The following VPS13B variants were observed in gnomAD, a reference collection of about 807,000 sequenced individuals.
The protein encoded by VPS13B is intermembrane lipid transfer protein VPS13B.
A neutral mutation model predicts 426.4 loss-of-function variants in VPS13B; 285 were observed. The observed-to-expected ratio is 0.67, with a 90% confidence interval of 0.61 to 0.74. The LOEUF is 0.74. Ranked by LOEUF, VPS13B falls within the 30% of genes least tolerant of loss-of-function variation. The pLI is 0.00. For missense variants in VPS13B, 4,537 were observed against 4,782.6 expected (o/e 0.95, Z 1.51); for synonymous variants, 1,676 against 1,676.4 (o/e 1.00, Z 0.01).
At chr8:99,520,528 G>A (rs1450408508) in intron 29 of VPS13B, among the ~76,000 whole-genome samples, 1 of 151,738 alleles carries the variant, frequency 6.6e-6, no homozygotes, top group Non-Finnish European at 1.5e-5. Flanking sequence ...CAACAATGAA[G>A]TATTAAGAAC....
Position 99,688,342 on chromosome 8 carries a change from G to A in VPS13B, c.6047-11183G>A, listed in dbSNP as rs531890685. 2.6e-5 allele frequency among the ~76,000 whole-genome samples: 4 copies of A among 151,976 alleles called. No individual in the cohort carries two copies. The East Asian group carries it at 5.8e-4, about 22-fold the overall frequency. The stretch of plus-strand genomic sequence containing the variant: ...TTAGGAGGCTTTATAATAACTGAAC[G>A]ATATCAAAAACATGGTGGAGGAAAA... On this transcript the variant is annotated intron_variant, in intron 35 of 61. Transcript: ENST00000357162.
At chr8:99,766,649 T>C in intron 39 of VPS13B, 125 bp from the exon 40 acceptor site, 2 of 808,074 alleles carry the variant, frequency 2.5e-6, no homozygotes, top group Admixed American at 5.7e-5. Flanking sequence ...TACTGTCTTT[T>C]ATAACCTTAT....
intron 2 of VPS13B, among the ~76,000 whole-genome samples, chr8:99,022,251 A>T (rs1415814407): frequency 2.6e-5 from 4 of 151,460 alleles, no homozygotes; most frequent in Admixed American, 6.6e-5. Context: ...ATATATATAT[A>T]TAATGCTATA....
chr8:99,800,474 C>T (rs575546391), intron 43 of VPS13B, among the ~76,000 whole-genome samples: 2 of 152,136 alleles, frequency 1.3e-5, no homozygotes, highest in East Asian at 3.9e-4. Context: ...TATCTGATTT[C>T]ATGATTGAAA....
At chr8:99,213,305 A>C (rs1028358966) in intron 17 of VPS13B, among the ~76,000 whole-genome samples, 1 of 152,134 alleles carries the variant, frequency 6.6e-6, no homozygotes, top group Admixed American at 6.5e-5. Context: ...TTTTATTGCA[A>C]ATATTCATTG....
chr8:99,796,801 G>T (rs968443264), intron 43 of VPS13B: 2 of 152,206 alleles, frequency 1.3e-5, no homozygotes, highest in African/African-American at 4.8e-5. Context: ...TGTTTGCCAG[G>T]TGTCTTGGTT....
Position 99,358,817 on chromosome 8 carries a change from A to G in VPS13B, c.2825-25391A>G, listed in dbSNP as rs192331470. Among the ~76,000 whole-genome samples, 953 of 152,312 alleles carry G rather than the reference A, an allele frequency of 6.3e-3. 8 individuals carry two copies. Among genetic ancestry groups the G allele is most frequent in the African/African-American group, 0.022 (895 of 41,558 alleles). ...TCTTGATAACCAGGGAAAGATAAGT[A>G]GGGAAGACCTCATTTTAACAATTAT... On this transcript the variant is annotated intron_variant, in intron 19 of 61. Transcript: ENST00000357162.
chr8:99,738,683 C>T (rs755077709), intron 39 of VPS13B, among the ~76,000 whole-genome samples: 5 of 152,110 alleles, frequency 3.3e-5, no homozygotes, highest in African/African-American at 4.8e-5. Flanking sequence ...GTCTATATAC[C>T]GTGTTGAAAA....
In VPS13B at chr8:99,275,351, G is replaced by C. The variant is rs7840337; in HGVS notation, c.2824+97G>C. On this transcript the variant is annotated intron_variant, in intron 19 of 61. Transcript: ENST00000357162. ...TTGGTATATATTTTTTTTTTTTTAG[G>C]TATTTTTGTCAATTGGCTTACTCTG... 1,024,059 of 1,234,066 alleles carry C rather than the reference G, an allele frequency of 0.83. 426,899 individuals carry two copies. Among genetic ancestry groups the C allele is most frequent in the South Asian group, 0.9 (57,271 of 63,914 alleles). The allele number at this position is 1,234,066 out of a possible 1,614,324, so 76.4% of individuals were successfully genotyped here.
At chr8:99,584,037 C>A (rs552648684) in intron 33 of VPS13B, among the ~76,000 whole-genome samples, 2 of 152,060 alleles carry the variant, frequency 1.3e-5, no homozygotes, top group African/African-American at 4.8e-5. Context: ...CCTGGATAGA[C>A]CACTTGTAAC....
intron 55 of VPS13B, among the ~76,000 whole-genome samples, chr8:99,850,843 T>A (rs554343608): frequency 1.1e-4 from 16 of 152,250 alleles, no homozygotes; most frequent in Admixed American, 1.0e-3. Context: ...AGAGAATCGC[T>A]TGAACCTGGG....
At chr8:99,414,306 G>A (rs1259150871) in intron 21 of VPS13B, among the ~76,000 whole-genome samples, 5 of 144,072 alleles carry the variant, frequency 3.5e-5, no homozygotes, top group African/African-American at 1.3e-4. Context: ...TTGAGCTTAT[G>A]TGTGTCTTTG....
At chr8:99,211,803 G>C (rs1260398640) in intron 17 of VPS13B, among the ~76,000 whole-genome samples, 2 of 152,012 alleles carry the variant, frequency 1.3e-5, no homozygotes, top group African/African-American at 4.8e-5. Flanking sequence ...AGATGTTGTT[G>C]GTTCAGTACT....
intron 57 of VPS13B, 59 bp from the exon 58 acceptor site, chr8:99,861,717 G>C (rs542823962): frequency 1.3e-6 from 2 of 1,555,350 alleles, no homozygotes; most frequent in Non-Finnish European, 1.7e-6. Flanking sequence ...TGAAACTACT[G>C]CCTTGGGGTC....
intron 23 of VPS13B, among the ~76,000 whole-genome samples, chr8:99,459,213 C>T (rs1455868940): frequency 6.6e-6 from 1 of 152,146 alleles, no homozygotes; most frequent in Non-Finnish European, 1.5e-5. Context: ...CTGCAGCATT[C>T]TATTAATATA....
chr8:99,728,085 T>C (rs535775874), intron 39 of VPS13B, among the ~76,000 whole-genome samples: 21 of 152,366 alleles, frequency 1.4e-4, no homozygotes, highest in Admixed American at 1.2e-3. Context: ...TTGGCAGTTA[T>C]ACATCTCATG....
intron 19 of VPS13B, among the ~76,000 whole-genome samples, chr8:99,352,227 C>A (rs760312436): frequency 4.6e-5 from 7 of 152,152 alleles, no homozygotes; most frequent in Non-Finnish European, 8.8e-5. Flanking sequence ...AATAGGCAGT[C>A]CTCCCCTTGA....
At chr8:99,507,729 T>C in intron 28 of VPS13B, 1 of 1,613,806 alleles carries the variant, frequency 6.2e-7, no homozygotes, top group South Asian at 1.1e-5. Flanking sequence ...TTTATTGCTT[T>C]TTGTCTTTTC....
chr8:99,082,176 T>A (rs1845515364), intron 3 of VPS13B, among the ~76,000 whole-genome samples: 1 of 152,226 alleles, frequency 6.6e-6, no homozygotes, highest in Non-Finnish European at 1.5e-5. Flanking sequence ...AGATGGTATC[T>A]CATTGTGGTT....
Sources: gnomAD v4.1 joint callset for allele counts (sites outside exome capture counted in the v4.1 genomes callset) on GRCh38, gnomAD v4.1.1 for gene constraint, MANE v1.5 for transcripts, NCBI Gene and HGNC (gene_info 2026-07-23, HGNC 2026-07-21) for gene names.